The following PDE7A variants were observed in gnomAD, a reference collection of about 807,000 sequenced individuals.
PDE7A encodes phosphodiesterase 7A.
In PDE7A, 39 loss-of-function variants were observed where a neutral mutation model predicts 64.3. The ratio of observed to expected loss-of-function variants is 0.61; its 90% CI spans 0.47 to 0.79. The LOEUF (loss-of-function observed/expected upper bound fraction) is 0.79. Among genes scored for constraint, PDE7A ranks in the 30% least tolerant of loss-of-function variants. The pLI, the probability that PDE7A is intolerant of heterozygous loss-of-function variation, is 0.00. For missense variants in PDE7A, 470 were observed against 582.8 expected (o/e 0.81, Z 1.99); for synonymous variants, 203 against 206.8 (o/e 0.98, Z 0.16).
In PDE7A at chr8:65,830,457, CGTAA is replaced by C. The variant is rs531673852; in HGVS notation, c.138+10910_138+10913del. ...CTTTTTAATGACCATCTACTAAATTCGTAAGTGAGGTTTCTCAACACTTTCAAAT... is the reference window on the plus strand; with the variant it reads ...CTTTTTAATGACCATCTACTAAATTCGTGAGGTTTCTCAACACTTTCAAAT... On this transcript the variant is annotated intron_variant, in intron 1 of 12. Transcript: ENST00000401827. 1.4e-4 allele frequency among the ~76,000 whole-genome samples: 21 copies of C among 151,920 alleles called. 1 individual carries two copies. In the South Asian group the frequency reaches 3.7e-3, roughly 27 times the overall value.
At chr8:65,817,301 T>C (rs1035111425) in intron 1 of PDE7A, among the ~76,000 whole-genome samples, 1 of 152,232 alleles carries the variant, frequency 6.6e-6, no homozygotes, top group African/African-American at 2.4e-5. Context: ...TTACATACCA[T>C]ATACATAAAC....
At chr8:65,737,364 T>C (rs1481580060) in intron 6 of PDE7A, among the ~76,000 whole-genome samples, 1 of 152,104 alleles carries the variant, frequency 6.6e-6, no homozygotes, top group Non-Finnish European at 1.5e-5. Flanking sequence ...ATCTTTATAA[T>C]TGCCAGTATA....
intron 1 of PDE7A, among the ~76,000 whole-genome samples, chr8:65,789,391 A>G (rs977660249): frequency 2.1e-4 from 32 of 152,246 alleles, no homozygotes; most frequent in Admixed American, 6.5e-4. Flanking sequence ...TTTCACAAGC[A>G]CAGTGTCCTG....
Position 65,719,558 on chromosome 8 carries a change from T to C in PDE7A, c.1244-63A>G, listed in dbSNP as rs1806289527. 7 of 1,069,760 alleles carry C rather than the reference T, an allele frequency of 6.5e-6. No individual in the cohort carries two copies. In the East Asian group the frequency reaches 9.9e-5, roughly 15 times the overall value. 66.3% of individuals were successfully genotyped at this position (1,069,760 alleles called of 1,614,324 possible). ...CTGAAACTCTATCTTTAAAACATCA[T>C]CTATACAACATTAACCTTCCTACAT... On this transcript the variant is annotated intron_variant, in intron 12 of 12. Coordinates refer to ENST00000401827, the MANE Select transcript of PDE7A (RefSeq NM_001242318.3).
intron 1 of PDE7A, among the ~76,000 whole-genome samples, chr8:65,815,743 CAA>C (rs112477700): frequency 6.6e-6 from 1 of 151,980 alleles, no homozygotes; most frequent in East Asian, 1.9e-4. Context: ...TGTAACAGTA[CAA>C]AAAAATTCGT....
At chr8:65,724,155 C>G in intron 11 of PDE7A, 100 bp downstream of exon 11, 1 of 678,948 alleles carries the variant, frequency 1.5e-6, no homozygotes, top group Admixed American at 2.3e-5. Context: ...TGTCAAGACT[C>G]TACTGCTAGA....
At chr8:65,789,047 G>C (rs991653135) in intron 1 of PDE7A, 2 of 1,506,518 alleles carry the variant, frequency 1.3e-6, no homozygotes, top group Non-Finnish European at 8.9e-7. Context: ...AAAAGAGAGG[G>C]GACACTGACT....
At chr8:65,787,685 C>T (rs1255356205) in intron 1 of PDE7A, among the ~76,000 whole-genome samples, 1 of 151,676 alleles carries the variant, frequency 6.6e-6, no homozygotes, top group African/African-American at 2.4e-5. Context: ...TGCATTGTCT[C>T]ACATCTCAGT....
intron 9 of PDE7A, among the ~76,000 whole-genome samples, chr8:65,725,891 T>C (rs1585828173): frequency 6.6e-6 from 1 of 152,168 alleles, no homozygotes; most frequent in South Asian, 2.1e-4. Context: ...ACATATACAG[T>C]GTGTTTAAGC....
intron 6 of PDE7A, among the ~76,000 whole-genome samples, chr8:65,736,614 G>T (rs1001712224): frequency 5.3e-5 from 8 of 151,746 alleles, no homozygotes; most frequent in African/African-American, 1.9e-4. Context: ...AGTCTGGTGT[G>T]GTGGTGCACA....
intron 1 of PDE7A, among the ~76,000 whole-genome samples, chr8:65,786,160 A>G (rs1351291774): frequency 6.6e-6 from 1 of 152,220 alleles, no homozygotes; most frequent in East Asian, 1.9e-4. Context: ...CAAATTACAT[A>G]GGTCTGTGCA....
intron 7 of PDE7A, chr8:65,728,217 CACTTA>C (rs1423332551): frequency 1.3e-5 from 2 of 152,078 alleles, no homozygotes; most frequent in South Asian, 4.1e-4. Context: ...GAGCATACAC[CACTTA>C]TATTAAGTAT....
At chr8:65,813,808 C>T (rs1563517333) in intron 1 of PDE7A, among the ~76,000 whole-genome samples, 1 of 152,142 alleles carries the variant, frequency 6.6e-6, no homozygotes, top group Non-Finnish European at 1.5e-5. Context: ...TCTCTTTAAT[C>T]GTCTGGTAGT....
intron 1 of PDE7A, among the ~76,000 whole-genome samples, chr8:65,840,215 C>T (rs1193368743): frequency 6.6e-6 from 1 of 152,132 alleles, no homozygotes; most frequent in Non-Finnish European, 1.5e-5. Context: ...CTGCTCTGAC[C>T]TCATTAGCAT....
At chr8:65,750,934 A>T (rs1033812456) in intron 3 of PDE7A, among the ~76,000 whole-genome samples, 1 of 152,236 alleles carries the variant, frequency 6.6e-6, no homozygotes, top group Non-Finnish European at 1.5e-5. Context: ...ATCACTCATC[A>T]TGGAAGCCCA....
At chr8:65,799,783 C>T (rs560477302) in intron 1 of PDE7A, among the ~76,000 whole-genome samples, 9 of 152,226 alleles carry the variant, frequency 5.9e-5, no homozygotes, top group East Asian at 5.8e-4. Context: ...AGTAGGATTA[C>T]CCAAGGAGAG....
intron 3 of PDE7A, among the ~76,000 whole-genome samples, chr8:65,762,579 C>G (rs1808555120): frequency 6.6e-6 from 1 of 151,938 alleles, no homozygotes; most frequent in Non-Finnish European, 1.5e-5. Flanking sequence ...TAAAATAGGC[C>G]CCACAAGACT....
At chr8:65,734,662 C>T in intron 7 of PDE7A, 132 bp downstream of exon 7, 1 of 589,522 alleles carries the variant, frequency 1.7e-6, no homozygotes. Context: ...AAACTTGATC[C>T]AGCTAGATCT....
At position 65,841,616 on chromosome 8, in the gene PDE7A, G is replaced by A. The variant is rs1811092480; in HGVS notation, c.-108C>T. On this transcript the variant is annotated 5_prime_UTR_variant, in exon 1 of 13. Coordinates refer to ENST00000401827, the MANE Select transcript of PDE7A (RefSeq NM_001242318.3). The stretch of plus-strand genomic sequence containing the variant: ...GGGCTCCGGGCCGAGACGGGGGCAG[G>A]GCGGGCGGGGACCGACCCCGGGCTG... 5.3e-6 allele frequency: 2 copies of A among 375,542 alleles called. No individual in the cohort carries two copies. Among genetic ancestry groups the A allele is most frequent in the East Asian group, 1.9e-4 (2 of 10,778 alleles). The allele number at this position is 375,542 out of a possible 1,614,324, so 23.3% of individuals were successfully genotyped here. A position where few individuals can be genotyped will look rare whatever the true frequency, so the allele number is the denominator to read the frequency against.
Sources: gnomAD v4.1 joint callset for allele counts (sites outside exome capture counted in the v4.1 genomes callset) on GRCh38, gnomAD v4.1.1 for gene constraint, MANE v1.5 for transcripts, NCBI Gene and HGNC (gene_info 2026-07-23, HGNC 2026-07-21) for gene names.